Variants in LGALS4 observed in about 807,000 individuals in gnomAD.
The protein encoded by LGALS4 is galectin-4.
In LGALS4, 37 loss-of-function variants were observed where a neutral mutation model predicts 39.6. The observed-to-expected ratio is 0.93, with a 90% CI of 0.72 to 1.23. LGALS4 has a LOEUF of 1.23. Among genes scored for constraint, LGALS4 ranks in the 50% most tolerant of loss-of-function variants. The probability of loss-of-function intolerance (pLI) is 0.00; values close to 1 mark genes in which losing one functional copy is unlikely to be tolerated. For missense variants in LGALS4, 397 were observed against 433.2 expected, an observed-to-expected ratio of 0.92 and a Z score of 0.74; for synonymous variants, 160 against 165.5, an observed-to-expected ratio of 0.97 and a Z score of 0.25.
At chr19:38,802,695 T>G (rs1971372178) in intron 7 of LGALS4, among the ~76,000 whole-genome samples, 1 of 150,762 alleles carries the variant, frequency 6.6e-6, no homozygotes, top group Non-Finnish European at 1.5e-5. Context: ...GTTTTTTTTT[T>G]TAGGCAGAGT....
intron 2 of LGALS4, among the ~76,000 whole-genome samples, chr19:38,811,656 T>C (rs1293933251): frequency 6.7e-6 from 1 of 150,064 alleles, no homozygotes. Flanking sequence ...CAAGACCCTA[T>C]CTCTAAGGAA....
chr19:38,808,915 C>G lies in LGALS4; in HGVS notation c.168G>C (p.Pro56=), dbSNP rs754742487. The G allele has an allele frequency of 1.1e-5, 18 of 1,613,568 alleles. No homozygotes were observed. Among genetic ancestry groups the G allele is most frequent in the Non-Finnish European group, 1.5e-5 (18 of 1,179,790 alleles). The change falls in exon 3 of 10, where the codon CCG becomes CCC. Residue 56 remains proline (P), a synonymous_variant. Coordinates refer to ENST00000307751, the MANE Select transcript of LGALS4 (RefSeq NM_006149.4). ...FFVNFVVGQD[P]GSDVAFHFNP... is the part of the protein sequence containing the mutation. ...TGAAGTGGAAGGCGACGTCTGAGCC[C>G]GGATCCTGCCCAACCACAAAGTTCA...
At chr19:38,806,367 CA>C (rs74176466) in intron 4 of LGALS4, 93 bp downstream of exon 4, 3,387 of 1,231,410 alleles carry the variant, frequency 2.8e-3, no homozygotes, top group Non-Finnish European at 3.0e-3. Flanking sequence ...GACTCCGTCT[CA>C]AAAAAAAAAG....
chr19:38,812,491 C>T lies in LGALS4; in HGVS notation c.74G>A (p.Gly25Asp). The T allele has an allele frequency of 6.2e-7, 1 of 1,614,202 alleles. No individual in the cohort carries two copies. The highest frequency in any genetic ancestry group is 8.5e-7 in the Non-Finnish European group (1 of 1,180,036). Residue 25 changes from glycine (G) to aspartate (D), a missense_variant, in exon 2 of 10, where the codon GGC (glycine) becomes GAC (aspartate). Coordinates refer to ENST00000307751, the MANE Select transcript of LGALS4 (RefSeq NM_006149.4). ...AACAGACATTCCCACGTTGAGCCCG[C>T]CCGGGATGGGCTGGTAGTAAGGCAG... ...PTLPYYQPIP[G>D]GLNVGMSVYI...
chr19:38,812,339 T>TG lies in LGALS4; in HGVS notation c.134+91dup, dbSNP rs144378288. The TG allele has an allele frequency of 1.8e-3, 1,911 of 1,047,620 alleles. 19 individuals carry two copies. The African/African-American group carries it at 0.027, about 15-fold the overall frequency. The allele number at this position is 1,047,620 out of a possible 1,614,324, so 64.9% of individuals were successfully genotyped here. On this transcript the variant is annotated intron_variant, in intron 2 of 9. Coordinates refer to ENST00000307751, the MANE Select transcript of LGALS4 (RefSeq NM_006149.4). ...AAAAAGAGTCCCCTCTCCACCAGGG[T>TG]GGGGTAAGGGCAGAAAGCCCCCAAC...
rs1349769176 is a variant in LGALS4 at position 38,802,396 on chromosome 19, T to C, written c.579A>G (p.Pro193=). The change falls in exon 8 of 10, where the codon CCA becomes CCG. Residue 193 remains proline, a synonymous_variant. Transcript: ENST00000307751. ...EGPPTFNPPV[P]YFGRLQGGLT... ...GCCCTCCTTGCAGCCTCCCGAAATA[T>C]GGCACAGGCTGTGGGAAGAGAACGG... The C allele has an allele frequency of 1.9e-6, 3 of 1,614,046 alleles. No homozygotes were observed. Among genetic ancestry groups the C allele is most frequent in the East Asian group, 2.2e-5 (1 of 44,882 alleles).
chr19:38,811,155 C>T (rs1205524431), intron 2 of LGALS4, among the ~76,000 whole-genome samples: 1 of 152,082 alleles, frequency 6.6e-6, no homozygotes, highest in Admixed American at 6.6e-5. Context: ...CCTGCCTAGG[C>T]CTCCTAAAGT....
In LGALS4 at chr19:38,806,707, G is replaced by A. The variant is rs561928048; in HGVS notation, c.340-112C>T. On this transcript the variant is annotated intron_variant, in intron 3 of 9. Transcript: ENST00000307751. ...CACGCCTCTAATCCCAGCACTTTGG[G>A]AGGCTGAGGGGGGTGGATCATTTGA... 64 of 1,096,712 alleles carry A rather than the reference G, an allele frequency of 5.8e-5. No homozygotes were observed. The South Asian group carries it at 8.5e-4, about 15-fold the overall frequency. The allele number at this position is 1,096,712 out of a possible 1,614,324, so 67.9% of individuals were successfully genotyped here.
intron 3 of LGALS4, among the ~76,000 whole-genome samples, chr19:38,806,946 CAAAA>C (rs34812797): frequency 8.1e-6 from 1 of 123,924 alleles, no homozygotes; most frequent in African/African-American, 2.8e-5. Context: ...GACTCTGTCT[CAAAA>C]AAAAAAAAAA....
intron 4 of LGALS4, among the ~76,000 whole-genome samples, chr19:38,805,166 AAATAAT>A (rs3993040): frequency 0.013 from 1,616 of 121,064 alleles, 26 homozygotes; most frequent in East Asian, 0.046. Flanking sequence ...CCTGCCTCAA[AAATAAT>A]AATAATAATA....
At chr19:38,810,354 C>CTTTTTTTTTTT (rs761533885) in intron 2 of LGALS4, among the ~76,000 whole-genome samples, 1 of 92,876 alleles carries the variant, frequency 1.1e-5, no homozygotes, top group Non-Finnish European at 2.0e-5. Context: ...GAGATTTCGC[C>CTTTTTTTTTTT]TTTTTTTTTT....
intron 4 of LGALS4, 138 bp downstream of exon 4, chr19:38,806,323 G>A (rs1343093838): frequency 1.5e-5 from 13 of 868,652 alleles, no homozygotes; most frequent in African/African-American, 6.9e-5. Context: ...AGCCAAGATC[G>A]CGCCACTGCA....
intron 3 of LGALS4, among the ~76,000 whole-genome samples, chr19:38,808,075 G>A (rs909512791): frequency 4.0e-5 from 6 of 151,382 alleles, no homozygotes; most frequent in African/African-American, 1.5e-4. Flanking sequence ...CTATGACCCT[G>A]CCACATCCCC....
chr19:38,804,065 T>C (rs1327902335), intron 4 of LGALS4, among the ~76,000 whole-genome samples, 170 bp from the exon 5 acceptor site: 4 of 152,152 alleles, frequency 2.6e-5, no homozygotes, highest in Non-Finnish European at 4.4e-5. Flanking sequence ...GGGCACCCCA[T>C]GTTCTGGGAT....
At chr19:38,805,166 A>AAT (rs1971407647) in intron 4 of LGALS4, among the ~76,000 whole-genome samples, 7 of 121,110 alleles carry the variant, frequency 5.8e-5, no homozygotes, top group Admixed American at 8.0e-5. Flanking sequence ...CCTGCCTCAA[A>AAT]AATAATAATA....
intron 3 of LGALS4, 79 bp downstream of exon 3, chr19:38,808,665 G>A: frequency 1.9e-6 from 2 of 1,077,810 alleles, no homozygotes; most frequent in East Asian, 2.4e-5. Context: ...AGAAAAGGAA[G>A]GAAGGCGGGA....
At chr19:38,802,478 T>G in intron 7 of LGALS4, 74 bp from the exon 8 acceptor site, 1 of 1,103,690 alleles carries the variant, frequency 9.1e-7, no homozygotes, top group Non-Finnish European at 1.4e-6. Context: ...ATTTTCTTTT[T>G]CTTTTCTTTT....
At chr19:38,803,248 A>C in intron 7 of LGALS4, 1 of 535,772 alleles carries the variant, frequency 1.9e-6, no homozygotes, top group Non-Finnish European at 3.4e-6. Flanking sequence ...CGATCTCCTG[A>C]CCTCGTGATC....
chr19:38,811,884 A>C (rs1971497492), intron 2 of LGALS4, among the ~76,000 whole-genome samples: 1 of 152,038 alleles, frequency 6.6e-6, no homozygotes, highest in Admixed American at 6.6e-5. Context: ...GTGCTGGCAC[A>C]TGCCTGTAAT....
Sources: gnomAD v4.1 joint callset for allele counts (sites outside exome capture counted in the v4.1 genomes callset) on GRCh38, gnomAD v4.1.1 for gene constraint, MANE v1.5 for transcripts, NCBI Gene and HGNC (gene_info 2026-07-23, HGNC 2026-07-21) for gene names.